TSC22D1: variants seen among roughly 807,000 people sequenced by gnomAD.
TSC22D1 encodes TSC22 domain family protein 1.
TSC22D1 carries 9 observed loss-of-function variants against 74.2 expected under a neutral mutation model. The ratio of observed to expected loss-of-function variants is 0.12; its 90% confidence interval spans 0.07 to 0.21. The LOEUF (loss-of-function observed/expected upper bound fraction) is 0.21. Among genes scored for constraint, TSC22D1 ranks in the 10% least tolerant of loss-of-function variants. TSC22D1 has a pLI of 1.00. For missense variants in TSC22D1, 1,427 were observed against 1,304.7 expected, an observed-to-expected ratio of 1.09 and a Z score of -1.44; for synonymous variants, 586 against 492.5, an observed-to-expected ratio of 1.19 and a Z score of -2.51.
chr13:44,517,774 T>TATATAC (rs1555269353), intron 1 of TSC22D1, among the ~76,000 whole-genome samples: 47,133 of 118,996 alleles, frequency 0.4, 10,818 homozygotes, highest in Non-Finnish European at 0.49. Flanking sequence ...TATATATATA[T>TATATAC]ATACACATAT....
At chr13:44,458,144 C>G (rs1231206568) in intron 1 of TSC22D1, among the ~76,000 whole-genome samples, 1 of 152,204 alleles carries the variant, frequency 6.6e-6, no homozygotes, top group East Asian at 1.9e-4. Context: ...CACTGTGATT[C>G]TATCAGCAAA....
chr13:44,488,274 C>G lies in TSC22D1; in HGVS notation c.2913-52179G>C, dbSNP rs1334569053. On this transcript the variant is annotated intron_variant, in intron 1 of 2. Coordinates refer to ENST00000458659, the MANE Select transcript of TSC22D1 (RefSeq NM_183422.4). ...ACAGCTATGAGGCCTGGAAATACAG[C>G]TAGTCCAAACTGAGATGTGCTGTAA... is the stretch of plus-strand genomic sequence containing the variant. 4.6e-5 allele frequency among the ~76,000 whole-genome samples: 7 copies of G among 152,182 alleles called. No homozygotes were observed. The East Asian group carries it at 1.3e-3, about 29-fold the overall frequency.
chr13:44,566,507 T>A (rs1266901622), intron 1 of TSC22D1, among the ~76,000 whole-genome samples: 1 of 152,210 alleles, frequency 6.6e-6, no homozygotes, highest in Non-Finnish European at 1.5e-5. Flanking sequence ...ACTAAGTAAT[T>A]CCACTCTTAA....
chr13:44,460,077 A>C (rs1043438943), intron 1 of TSC22D1, among the ~76,000 whole-genome samples: 2 of 152,156 alleles, frequency 1.3e-5, no homozygotes, highest in Admixed American at 6.5e-5. Flanking sequence ...AAAAAGCGAC[A>C]CCCCAAGGAT....
chr13:44,438,546 A>T (rs1372846926), intron 1 of TSC22D1, among the ~76,000 whole-genome samples: 1 of 152,254 alleles, frequency 6.6e-6, no homozygotes, highest in South Asian at 2.1e-4. Context: ...GTTAAAAACC[A>T]AAGTGTGACC....
At chr13:44,512,145 A>C (rs777117408) in intron 1 of TSC22D1, among the ~76,000 whole-genome samples, 2 of 151,184 alleles carry the variant, frequency 1.3e-5, no homozygotes, top group Non-Finnish European at 2.9e-5. Context: ...TTGGATATTT[A>C]TTTCTTTTTT....
chr13:44,455,890 C>G (rs989141929), intron 1 of TSC22D1, among the ~76,000 whole-genome samples: 1 of 151,998 alleles, frequency 6.6e-6, no homozygotes, highest in African/African-American at 2.4e-5. Context: ...AATAGTTTTT[C>G]AAAGCTGGAA....
At chr13:44,513,293 T>C (rs1879825331) in intron 1 of TSC22D1, among the ~76,000 whole-genome samples, 1 of 152,244 alleles carries the variant, frequency 6.6e-6, no homozygotes, top group South Asian at 2.1e-4. Flanking sequence ...TTCATTAAAA[T>C]CACTTATATG....
At chr13:44,477,643 T>C (rs967074759) in intron 1 of TSC22D1, among the ~76,000 whole-genome samples, 4 of 148,732 alleles carry the variant, frequency 2.7e-5, no homozygotes, top group South Asian at 2.2e-4. Flanking sequence ...CATAGATTTT[T>C]TTTTTTTTTT....
chr13:44,474,232 T>C, intron 1 of TSC22D1: 1 of 985,324 alleles, frequency 1.0e-6, no homozygotes, highest in Non-Finnish European at 1.2e-6. Context: ...GGATTATCAC[T>C]AGACTATAGG....
chr13:44,434,719 C>G lies in TSC22D1; in HGVS notation c.3129G>C (p.Leu1043=). The G allele has an allele frequency of 6.2e-7, 1 of 1,612,768 alleles. No individual in the cohort carries two copies. ...PEQLAQFQAQ[L]QTGSPPATTQ... is the part of the protein sequence containing the mutation. ...TGGTGGCAGGGGGGGAGCCAGTCTG[C>G]AGCTGGGCCTGAAACTGGGCAAGCT... Residue 1043 remains leucine (L), a synonymous_variant, in exon 3 of 3, where the codon CTG becomes CTC. Coordinates refer to ENST00000458659, the MANE Select transcript of TSC22D1 (RefSeq NM_183422.4).
chr13:44,519,876 T>G (rs9533889), intron 1 of TSC22D1, among the ~76,000 whole-genome samples: 1 of 152,022 alleles, frequency 6.6e-6, no homozygotes, highest in African/African-American at 2.4e-5. Context: ...CAGGACTAGA[T>G]GATGGATTAT....
Position 44,517,811 on chromosome 13 carries a change from ATG to A in TSC22D1, c.2912+55350_2912+55351del, listed in dbSNP as rs1160142015. ...TATACATATATATACACACATATAT[ATG>A]TGTGTGTGTGTGTGTGTATATATAT... On this transcript the variant is annotated intron_variant, in intron 1 of 2. Transcript: ENST00000458659. 2.6e-3 allele frequency among the ~76,000 whole-genome samples: 144 copies of A among 55,082 alleles called. 5 individuals are homozygous for A. The highest frequency in any genetic ancestry group is 7.8e-3 in the African/African-American group (111 of 14,306). 36.1% of individuals were successfully genotyped at this position (55,082 alleles called of 152,430 possible). A position where few individuals can be genotyped will look rare whatever the true frequency, so the allele number is the denominator to read the frequency against.
At chr13:44,554,914 T>C (rs186573809) in intron 1 of TSC22D1, among the ~76,000 whole-genome samples, 8 of 152,242 alleles carry the variant, frequency 5.3e-5, no homozygotes, top group South Asian at 4.1e-4. Context: ...CTAATTCAGA[T>C]TACTGAATGA....
chr13:44,521,618 C>T (rs1006062167), intron 1 of TSC22D1, among the ~76,000 whole-genome samples: 22 of 151,656 alleles, frequency 1.5e-4, no homozygotes, highest in Admixed American at 4.6e-4. Context: ...GTAATCACTC[C>T]TCGCCATGTC....
intron 1 of TSC22D1, among the ~76,000 whole-genome samples, chr13:44,449,142 G>A (rs193266083): frequency 6.6e-6 from 1 of 152,328 alleles, no homozygotes; most frequent in Admixed American, 6.5e-5. Context: ...AGCTCTTGGT[G>A]AGAACTGGCC....
intron 1 of TSC22D1, among the ~76,000 whole-genome samples, chr13:44,560,315 T>C (rs999515643): frequency 1.3e-5 from 2 of 151,478 alleles, no homozygotes; most frequent in African/African-American, 4.9e-5. Context: ...AGAGAAAAAT[T>C]GGGGGGGGAT....
chr13:44,440,452 G>A (rs1875097895), intron 1 of TSC22D1, among the ~76,000 whole-genome samples: 1 of 151,910 alleles, frequency 6.6e-6, no homozygotes, highest in South Asian at 2.1e-4. Context: ...TTAGCTGGGC[G>A]TGGTGGCACA....
intron 1 of TSC22D1, among the ~76,000 whole-genome samples, chr13:44,570,489 G>T (rs1279340466): frequency 6.6e-6 from 1 of 152,114 alleles, no homozygotes; most frequent in African/African-American, 2.4e-5. Context: ...ACCGCACACG[G>T]CCTGACATTA....
Sources: gnomAD v4.1 joint callset for allele counts (sites outside exome capture counted in the v4.1 genomes callset) on GRCh38, gnomAD v4.1.1 for gene constraint, MANE v1.5 for transcripts, NCBI Gene and HGNC (gene_info 2026-07-23, HGNC 2026-07-21) for gene names.